MAP3K19: variants seen among roughly 807,000 people sequenced by gnomAD.
MAP3K19 encodes mitogen-activated protein kinase kinase kinase 19.
Under a neutral mutation model 114.4 loss-of-function variants are expected in MAP3K19, and 91 were observed. The ratio of observed to expected loss-of-function variants is 0.80; its 90% CI spans 0.67 to 0.95. MAP3K19 has a LOEUF of 0.95. Ranked by LOEUF, MAP3K19 falls within the 40% of genes least tolerant of loss-of-function variation. MAP3K19 has a pLI of 0.00. For synonymous variants in MAP3K19, 518 were observed against 530.5 expected, an observed-to-expected ratio of 0.98 and a Z score of 0.32; for missense variants, 1,471 against 1,573.2, an observed-to-expected ratio of 0.94 and a Z score of 1.10.
chr2:135,040,430 A>C lies in MAP3K19; in HGVS notation c.-351T>G, dbSNP rs1347750627. 6.6e-6 allele frequency: 1 copy of C among 152,670 alleles called. No homozygotes were observed. Among genetic ancestry groups the C allele is most frequent in the Non-Finnish European group, 1.5e-5 (1 of 68,054 alleles). The allele number at this position is 152,670 out of a possible 1,614,324, so 9.5% of individuals were successfully genotyped here. A position where few individuals can be genotyped will look rare whatever the true frequency, so the allele number is the denominator to read the frequency against. Reference sequence around the variant, plus strand: ...CCACGTCTCTGGGTGCTGAAAGTCAAGGTTTCCGAGGATGGATTGGACTTC... The same window carrying C: ...CCACGTCTCTGGGTGCTGAAAGTCACGGTTTCCGAGGATGGATTGGACTTC... On this transcript the variant is annotated 5_prime_UTR_variant, in exon 2 of 13. Transcript: ENST00000392915.
At position 134,987,517 on chromosome 2, in the gene MAP3K19, A is replaced by C. The variant is rs780855832; in HGVS notation, c.1355T>G (p.Ile452Ser). The C allele has an allele frequency of 4.3e-6, 7 of 1,614,034 alleles. No individual in the cohort carries two copies. The highest frequency in any genetic ancestry group is 1.3e-5 in the African/African-American group (1 of 74,910). Reference sequence around the variant, plus strand: ...GCTACAACCTTCTGGGAGTTTATCAATGGGGTCATCAAAGACTACACTGGA... The same window carrying C: ...GCTACAACCTTCTGGGAGTTTATCACTGGGGTCATCAAAGACTACACTGGA... ...SLSSVVFDDP[I>S]DKLPEGCSSM... is the part of the protein sequence containing the mutation. The change falls in exon 10 of 13, where the codon ATT becomes AGT. Residue 452 changes from isoleucine (I) to serine (S), a missense_variant. Ile to Ser is a moderately radical substitution (Grantham distance 142). Coordinates refer to ENST00000392915, the MANE Select transcript of MAP3K19 (RefSeq NM_025052.5).
Position 134,999,849 on chromosome 2 carries a change from A to G in MAP3K19, c.314+88T>C. 3 of 877,914 alleles carry G rather than the reference A, an allele frequency of 3.4e-6. No homozygotes were observed. Among genetic ancestry groups the G allele is most frequent in the East Asian group, 4.9e-5 (2 of 40,602 alleles). The allele number at this position is 877,914 out of a possible 1,614,324, so 54.4% of individuals were successfully genotyped here. On this transcript the variant is annotated intron_variant, in intron 7 of 12. Transcript: ENST00000392915. This position sits in a 1 kb window ranked among gnomAD's most constrained non-coding sequence, Gnocchi z 4.1. ...CCTCTACTTTTAAGCATTATTATGG[A>G]TTCAATTACTAATAATGTAGGTTGC...
chr2:134,987,632 T>G lies in MAP3K19; in HGVS notation c.1240A>C (p.Lys414Gln). The G allele has an allele frequency of 6.2e-7, 1 of 1,614,134 alleles. No homozygotes were observed. Among genetic ancestry groups the G allele is most frequent in the Non-Finnish European group, 8.5e-7 (1 of 1,180,034 alleles). ...AATGAAACTCTTTTTGAAGCAGCTT[T>G]ATTATTTCTCATCTCTTCATCCTGG... The part of the protein sequence containing the change: ...PSQDEEMRNN[K>Q]AASKRVSLHK... Residue 414 changes from lysine to glutamine, a missense_variant, in exon 10 of 13, where the codon AAA becomes CAA. Lys to Gln is a moderately conservative substitution (Grantham distance 53, BLOSUM62 1). Coordinates refer to ENST00000392915, the MANE Select transcript of MAP3K19 (RefSeq NM_025052.5).
At chr2:135,026,567 T>C (rs1433326174) in intron 3 of MAP3K19, among the ~76,000 whole-genome samples, 3 of 152,200 alleles carry the variant, frequency 2.0e-5, no homozygotes, top group African/African-American at 7.2e-5. Context: ...CTGTTCTTAT[T>C]TGATGACAAG....
chr2:134,974,824 CTT>C (rs2105166545), intron 12 of MAP3K19, among the ~76,000 whole-genome samples: 1 of 152,270 alleles, frequency 6.6e-6, no homozygotes, highest in Non-Finnish European at 1.5e-5. Flanking sequence ...ACAGTCACTT[CTT>C]TTAAATTTTT....
At chr2:135,025,119 T>C (rs1688201882) in intron 3 of MAP3K19, among the ~76,000 whole-genome samples, 2 of 152,048 alleles carry the variant, frequency 1.3e-5, no homozygotes, top group Non-Finnish European at 1.5e-5. Context: ...ATTAAAACAT[T>C]TTGATAAATG....
intron 5 of MAP3K19, among the ~76,000 whole-genome samples, chr2:135,008,591 C>T (rs1210240014): frequency 1.3e-5 from 2 of 152,108 alleles, no homozygotes; most frequent in African/African-American, 4.8e-5. Flanking sequence ...GAATTATTGA[C>T]CCAAATACTA....
intron 4 of MAP3K19, among the ~76,000 whole-genome samples, chr2:135,024,009 A>T (rs1220033720): frequency 6.6e-6 from 1 of 151,896 alleles, no homozygotes; most frequent in Non-Finnish European, 1.5e-5. Context: ...ATGAACTTTC[A>T]GTTCTAGTTT....
chr2:134,981,251 A>G lies in MAP3K19; in HGVS notation c.3490T>C (p.Cys1164Arg). ...RFGPLPEMVF[C>R]KYTKQILQGV... The stretch of plus-strand genomic sequence containing the variant: ...TGAAGTATTTGTTTCGTATATTTAC[A>G]GAACACCATCTCAGGCAATGGCCCA... The change falls in exon 12 of 13, where the codon TGT becomes CGT. Residue 1164 changes from cysteine (C) to arginine (R), a missense_variant. Cys to Arg is a radical substitution (Grantham distance 180). Coordinates refer to ENST00000392915, the MANE Select transcript of MAP3K19 (RefSeq NM_025052.5). 1 of 1,614,268 alleles carries G rather than the reference A, an allele frequency of 6.2e-7. No homozygotes were observed. Among genetic ancestry groups the G allele is most frequent in the Non-Finnish European group, 8.5e-7 (1 of 1,180,054 alleles).
chr2:135,005,692 T>C (rs1259661012), intron 5 of MAP3K19, among the ~76,000 whole-genome samples, 161 bp from the exon 6 acceptor site: 1 of 152,230 alleles, frequency 6.6e-6, no homozygotes, highest in African/African-American at 2.4e-5. Context: ...GTATCTGCCC[T>C]TGGAGCACTA....
intron 4 of MAP3K19, 61 bp from the exon 5 acceptor site, chr2:135,021,891 A>C: frequency 9.5e-7 from 1 of 1,054,146 alleles, no homozygotes; most frequent in Non-Finnish European, 1.4e-6. Context: ...TTTCAAAAGA[A>C]GATCTAGCTC....
chr2:134,969,723 C>T (rs1683734756), intron 12 of MAP3K19, among the ~76,000 whole-genome samples: 1 of 152,074 alleles, frequency 6.6e-6, no homozygotes. Flanking sequence ...TGGAGTGTTT[C>T]CCTATGTTTT....
Position 134,991,548 on chromosome 2 carries a change from G to A in MAP3K19, c.607C>T (p.Arg203Ter), listed in dbSNP as rs761436112. The change falls in exon 9 of 13, where the codon CGA (arginine) becomes TGA (stop). Residue 203 changes from arginine to a stop codon, truncating the protein, a stop_gained. Transcript: ENST00000392915. LOFTEE classifies it high-confidence loss of function. ...FSTSHMKYSG[R>*]SIKFLLPPLS... The stretch of plus-strand genomic sequence containing the variant: ...AGCACTAATCTTACCTTGATGCTTC[G>A]GCCACTGTACTTCATATGAGAGGTC... 1.2e-5 allele frequency: 19 copies of A among 1,613,404 alleles called. No individual in the cohort carries two copies. Among genetic ancestry groups the A allele is most frequent in the African/African-American group, 8.0e-5 (6 of 74,856 alleles).
chr2:135,042,916 T>G (rs1688674357), intron 1 of MAP3K19, among the ~76,000 whole-genome samples: 1 of 152,126 alleles, frequency 6.6e-6, no homozygotes, highest in Non-Finnish European at 1.5e-5. Flanking sequence ...GCCTTGTCTC[T>G]ACTAAAAAAT....
rs1249634110 is a variant in MAP3K19, at chr2:134,981,071, G to A, written c.3670C>T (p.Leu1224Phe). The change falls in exon 12 of 13, where the codon CTT (leucine) becomes TTT (phenylalanine). Residue 1224 changes from leucine to phenylalanine, a missense_variant. Leu to Phe is a conservative substitution (Grantham distance 22). Transcript: ENST00000392915. ...AGLNGTHSDM[L>F]KSMHGTPYWM... is the part of the protein sequence containing the mutation. ...TATGGAGTCCCATGCATGGACTTAAGCATGTCACTGTGGGTGCCATTTAAA... is the reference window on the plus strand; with the variant it reads ...TATGGAGTCCCATGCATGGACTTAAACATGTCACTGTGGGTGCCATTTAAA... 4 of 1,614,260 alleles carry A rather than the reference G, an allele frequency of 2.5e-6. No individual in the cohort carries two copies. The East Asian group carries it at 6.7e-5, about 27-fold the overall frequency.
At chr2:135,007,020 C>T (rs537363475) in intron 5 of MAP3K19, among the ~76,000 whole-genome samples, 16 of 151,810 alleles carry the variant, frequency 1.1e-4, no homozygotes, top group African/African-American at 3.1e-4. Context: ...AAAAATTAGC[C>T]AGGCATGGTG....
intron 6 of MAP3K19, 78 bp from the exon 7 acceptor site, chr2:135,000,093 G>T: frequency 1.0e-6 from 1 of 957,484 alleles, no homozygotes; most frequent in South Asian, 1.3e-5. Flanking sequence ...CTTTATTTCT[G>T]TTTGGCTAAT....
At chr2:134,985,686 A>T in intron 10 of MAP3K19, 114 bp downstream of exon 10, 1 of 965,724 alleles carries the variant, frequency 1.0e-6, no homozygotes, top group Non-Finnish European at 1.5e-6. Flanking sequence ...ACCTTGAAAA[A>T]ACTATTTAAT....
At chr2:135,023,311 T>C (rs750012311) in intron 4 of MAP3K19, 4 of 406,274 alleles carry the variant, frequency 9.8e-6, no homozygotes, top group Non-Finnish European at 2.0e-5. Flanking sequence ...TCCTGAGTCC[T>C]GATGTCCCCA....
Sources: allele counts gnomAD v4.1 joint callset (sites outside exome capture counted in the v4.1 genomes callset), GRCh38; gene constraint gnomAD v4.1.1; non-coding constraint Gnocchi (gnomAD v3.1); transcripts MANE v1.5; gene names NCBI Gene and HGNC (gene_info 2026-07-23, HGNC 2026-07-21).